PCDHGC5: variants seen among roughly 807,000 people sequenced by gnomAD.
PCDHGC5 encodes protocadherin gamma-C5.
A neutral mutation model predicts 59.0 loss-of-function variants in PCDHGC5; 25 were observed. The observed-to-expected ratio is 0.42, with a 90% confidence interval of 0.31 to 0.59. PCDHGC5 has a LOEUF of 0.59. Ranked by LOEUF, PCDHGC5 falls within the 20% of genes least tolerant of loss-of-function variation. PCDHGC5 has a pLI of 0.13. For missense variants in PCDHGC5, 1,067 were observed against 1,206.4 expected (o/e 0.88, Z 1.71); for synonymous variants, 434 against 505.5 (o/e 0.86, Z 1.90).
Position 141,490,320 on chromosome 5 carries a change from A to G in PCDHGC5, c.1080A>G (p.Leu360=). The G allele has an allele frequency of 6.2e-7, 1 of 1,614,228 alleles. No individual in the cohort carries two copies. The highest frequency in any genetic ancestry group is 1.1e-5 in the South Asian group (1 of 91,088). ...TGGCCTCTTTGGCCAACCCTGTCCT[A>G]GAGAGCACACCAGTGGGCACAGTAG... The part of the protein sequence containing the change: ...VLLASLANPV[L]ESTPVGTVVG... The change falls in exon 1 of 4, where the codon CTA becomes CTG. Residue 360 remains leucine, a synonymous_variant. Transcript: ENST00000252087. The surrounding 1 kb of genome is among the most constrained non-coding windows in gnomAD (Gnocchi z 5.4).
At position 141,489,298 on chromosome 5, in the gene PCDHGC5, T is replaced by C; in HGVS notation, c.58T>C (p.Ser20Pro). Residue 20 changes from serine to proline, a missense_variant, in exon 1 of 4, where the codon TCC becomes CCC. Transcript: ENST00000252087. This position sits in a 1 kb window ranked among gnomAD's most constrained non-coding sequence, Gnocchi z 4.5. ...AGKWQVLCML[S>P]LCCWGWVSGQ... ...GAAATGGCAAGTGCTGTGCATGTTG[T>C]CCTTGTGCTGCTGGGGCTGGGTGTC... The C allele has an allele frequency of 6.3e-7, 1 of 1,584,418 alleles. No individual in the cohort carries two copies. The highest frequency in any genetic ancestry group is 8.6e-7 in the Non-Finnish European group (1 of 1,165,192).
Position 141,489,600 on chromosome 5 carries a change from G to A in PCDHGC5, c.360G>A (p.Glu120=), listed in dbSNP as rs1407225048. 8.1e-6 allele frequency: 13 copies of A among 1,614,034 alleles called. No homozygotes were observed. Among genetic ancestry groups the A allele is most frequent in the Non-Finnish European group, 1.1e-5 (13 of 1,179,962 alleles). The part of the protein sequence containing the change: ...TEHPLELIRV[E]VEILDLNDNS... ...ACCCCCTGGAGCTAATCCGTGTAGA[G>A]GTAGAGATCCTGGATCTCAATGACA... The change falls in exon 1 of 4, where the codon GAG becomes GAA. Residue 120 remains glutamate, a synonymous_variant. Transcript: ENST00000252087. This position sits in a 1 kb window ranked among gnomAD's most constrained non-coding sequence, Gnocchi z 4.5.
rs779065098 is a variant in PCDHGC5 at position 141,491,758 on chromosome 5, C to T, written c.2460+58C>T. 1.8e-5 allele frequency: 29 copies of T among 1,578,670 alleles called. No homozygotes were observed. Among genetic ancestry groups the T allele is most frequent in the Non-Finnish European group, 2.2e-5 (26 of 1,163,530 alleles). ...TGGGGGCGGCACTGGAGAAGCCGCC[C>T]GTCCTCATAAGGGATTGAACTTGCA... On this transcript the variant is annotated intron_variant, in intron 1 of 3. Transcript: ENST00000252087. The surrounding 1 kb of genome is among the most constrained non-coding windows in gnomAD (Gnocchi z 6.9).
rs1053018756 is a variant in PCDHGC5, at chr5:141,497,630, G to T, written c.2519+2765G>T. ...TCTTGGCTCACTGCAACCTCTGCCT[G>T]CCAGGTTCAAGCGATTCTCCTGCCT... is the stretch of plus-strand genomic sequence containing the variant. On this transcript the variant is annotated intron_variant, in intron 2 of 3. Coordinates refer to ENST00000252087, the MANE Select transcript of PCDHGC5 (RefSeq NM_018929.3). 3.3e-5 allele frequency among the ~76,000 whole-genome samples: 5 copies of T among 150,256 alleles called. No homozygotes were observed. The Admixed American group carries it at 3.3e-4, about 10-fold the overall frequency.
rs2099750805 is a variant in PCDHGC5, at chr5:141,493,915, T to C, written c.2461-892T>C. ...TGCTCCATGAGAGTGTGTGATGGGA[T>C]AACACACCCCCTGGAAAGACCAGAA... On this transcript the variant is annotated intron_variant, in intron 1 of 3. Transcript: ENST00000252087. This position sits in a 1 kb window ranked among gnomAD's most constrained non-coding sequence, Gnocchi z 4.3. Among the ~76,000 whole-genome samples, 1 of 152,024 alleles carries C rather than the reference T, an allele frequency of 6.6e-6. No homozygotes were observed. Among genetic ancestry groups the C allele is most frequent in the African/African-American group, 2.4e-5 (1 of 41,386 alleles).
At chr5:141,492,382 T>C (rs71583650) in intron 1 of PCDHGC5, among the ~76,000 whole-genome samples, 2,103 of 152,322 alleles carry the variant, frequency 0.014, 36 homozygotes, top group African/African-American at 0.031. Flanking sequence ...ACAGGCCTGT[T>C]CCGGTCCACT....
rs77976889 is a variant in PCDHGC5, at chr5:141,493,704, G to C, written c.2461-1103G>C. On this transcript the variant is annotated intron_variant, in intron 1 of 3. Transcript: ENST00000252087. This position sits in a 1 kb window ranked among gnomAD's most constrained non-coding sequence, Gnocchi z 4.3. ...GTGCTGGTGACTCCCGATACACCTG[G>C]AATGCTAGGTTTCTGGGTTCTGCTC... Among the ~76,000 whole-genome samples the C allele has an allele frequency of 1.7e-3, 258 of 152,278 alleles. 2 individuals are homozygous for C. The highest frequency in any genetic ancestry group is 5.7e-3 in the African/African-American group (237 of 41,540).
At position 141,491,952 on chromosome 5, in the gene PCDHGC5, C is replaced by A; in HGVS notation, c.2460+252C>A. 9.4e-7 allele frequency: 1 copy of A among 1,062,954 alleles called. No homozygotes were observed. The allele number at this position is 1,062,954 out of a possible 1,614,324, so 65.8% of individuals were successfully genotyped here. On this transcript the variant is annotated intron_variant, in intron 1 of 3. Coordinates refer to ENST00000252087, the MANE Select transcript of PCDHGC5 (RefSeq NM_018929.3). The surrounding 1 kb of genome is among the most constrained non-coding windows in gnomAD (Gnocchi z 6.9). ...GGTGGGACCGACCCCCACCCCTACA[C>A]TCAAAAAAGGCCGGGGCCTCCTTCG...
intron 1 of PCDHGC5, among the ~76,000 whole-genome samples, 197 bp from the exon 2 acceptor site, chr5:141,494,610 T>C (rs1428159953): frequency 6.6e-6 from 1 of 152,152 alleles, no homozygotes; most frequent in Non-Finnish European, 1.5e-5. Flanking sequence ...GATTTATCTC[T>C]TGGTTTCTGG....
Position 141,491,531 on chromosome 5 carries a change from T to G in PCDHGC5, c.2291T>G (p.Leu764Arg), listed in dbSNP as rs532897059. Residue 764 changes from leucine (L) to arginine (R), a missense_variant, in exon 1 of 4, where the codon CTG becomes CGG. By Grantham distance (102) the Leu-to-Arg change is moderately radical (BLOSUM62 -2). Coordinates refer to ENST00000252087, the MANE Select transcript of PCDHGC5 (RefSeq NM_018929.3). This position sits in a 1 kb window ranked among gnomAD's most constrained non-coding sequence, Gnocchi z 6.9. ...DGTLKYMEVT[L>R]RPTDSQSHCY... ...ACGCTCAAGTACATGGAGGTGACGC[T>G]GCGGCCCACAGACTCGCAGAGCCAC... The G allele has an allele frequency of 6.2e-7, 1 of 1,614,044 alleles. No homozygotes were observed. The highest frequency in any genetic ancestry group is 1.7e-5 in the Admixed American group (1 of 60,028).
In PCDHGC5 at chr5:141,489,835, C is replaced by G; in HGVS notation, c.595C>G (p.Gln199Glu). Residue 199 changes from glutamine to glutamate, a missense_variant, in exon 1 of 4, where the codon CAG (glutamine) becomes GAG (glutamate). Transcript: ENST00000252087. This position sits in a 1 kb window ranked among gnomAD's most constrained non-coding sequence, Gnocchi z 4.5. ...KPFPELVLEQ[Q>E]LDREAQARHQ... Reference sequence around the variant, plus strand: ...ATTCCCAGAGCTGGTGCTAGAGCAGCAGCTGGATCGTGAAGCCCAGGCAAG... The same window carrying G: ...ATTCCCAGAGCTGGTGCTAGAGCAGGAGCTGGATCGTGAAGCCCAGGCAAG... The G allele has an allele frequency of 6.2e-7, 1 of 1,614,164 alleles. No homozygotes were observed. Among genetic ancestry groups the G allele is most frequent in the Non-Finnish European group, 8.5e-7 (1 of 1,179,972 alleles).
chr5:141,500,124 A>G (rs1042231430), intron 2 of PCDHGC5, among the ~76,000 whole-genome samples: 2 of 151,656 alleles, frequency 1.3e-5, no homozygotes, highest in African/African-American at 2.4e-5. Flanking sequence ...GCCTTTTCAT[A>G]TATATCTTTC....
At chr5:141,497,733 T>G (rs2099779006) in intron 2 of PCDHGC5, among the ~76,000 whole-genome samples, 2 of 152,078 alleles carry the variant, frequency 1.3e-5, no homozygotes, top group Non-Finnish European at 2.9e-5. Context: ...AGAGATGGGT[T>G]TCGCCACGTT....
In PCDHGC5 at chr5:141,490,963, G is replaced by GC; in HGVS notation, c.1729dup (p.Gln577ProfsTer22). 6.2e-7 allele frequency: 1 copy of GC among 1,613,760 alleles called. No individual in the cohort carries two copies. On this transcript the variant is annotated frameshift_variant, in exon 1 of 4. Transcript: ENST00000252087. LOFTEE classifies it high-confidence loss of function. This position sits in a 1 kb window ranked among gnomAD's most constrained non-coding sequence, Gnocchi z 5.4. ...CCCACGGCCAGACTGGGAACACTCA[G>GC]CCCCCCAGCGTCTCCCTCGCTCTGC...
In PCDHGC5 at chr5:141,489,950, A is replaced by G; in HGVS notation, c.710A>G (p.Asp237Gly). 2 of 1,614,192 alleles carry G rather than the reference A, an allele frequency of 1.2e-6. No individual in the cohort carries two copies. The highest frequency in any genetic ancestry group is 1.1e-5 in the South Asian group (1 of 91,088). ...LISVIVLDIN[D>G]NAPTFQSSVL... ...TCTGTCATCGTGCTGGACATCAATG[A>G]TAATGCTCCAACCTTCCAATCCTCA... The change falls in exon 1 of 4, where the codon GAT becomes GGT. Residue 237 changes from aspartate (D) to glycine (G), a missense_variant. Transcript: ENST00000252087. The surrounding 1 kb of genome is among the most constrained non-coding windows in gnomAD (Gnocchi z 4.5).
At chr5:141,500,450 C>A (rs2099800340) in intron 2 of PCDHGC5, among the ~76,000 whole-genome samples, 1 of 152,072 alleles carries the variant, frequency 6.6e-6, no homozygotes, top group Non-Finnish European at 1.5e-5. Flanking sequence ...ACCTCGTGAT[C>A]CGCCCGCCTC....
intron 2 of PCDHGC5, among the ~76,000 whole-genome samples, chr5:141,499,869 G>A (rs1247615457): frequency 3.3e-5 from 5 of 151,938 alleles, no homozygotes; most frequent in Non-Finnish European, 5.9e-5. Context: ...TGTATTTTCA[G>A]TACAAACAGG....
Position 141,497,143 on chromosome 5 carries a change from G to GA in PCDHGC5, c.2519+2287dup, listed in dbSNP as rs928640875. ...AGAGGTTGCAGTGAGCTGAGATCAC[G>GA]AAAAAAAAATAATCTAGCCACAAAT... On this transcript the variant is annotated intron_variant, in intron 2 of 3. Coordinates refer to ENST00000252087, the MANE Select transcript of PCDHGC5 (RefSeq NM_018929.3). 1.3e-3 allele frequency among the ~76,000 whole-genome samples: 194 copies of GA among 150,104 alleles called. 4 individuals are homozygous for GA. The highest frequency in any genetic ancestry group is 7.6e-3 in the Admixed American group (115 of 15,100).
chr5:141,511,823 G>A lies in PCDHGC5; in HGVS notation c.*650G>A, dbSNP rs1490513046. On this transcript the variant is annotated 3_prime_UTR_variant, in exon 4 of 4. Transcript: ENST00000252087. ...TTTTGCTACCAAGCCTCTTCCCAACGCCCTGGGGACCAGTCTTCTGTTTTG... is the reference window on the plus strand; with the variant it reads ...TTTTGCTACCAAGCCTCTTCCCAACACCCTGGGGACCAGTCTTCTGTTTTG... 4 of 156,728 alleles carry A rather than the reference G, an allele frequency of 2.6e-5. No homozygotes were observed. The highest frequency in any genetic ancestry group is 3.2e-3 in the Middle Eastern group (1 of 316). 9.7% of individuals were successfully genotyped at this position (156,728 alleles called of 1,614,324 possible). A position where few individuals can be genotyped will look rare whatever the true frequency, so the allele number is the denominator to read the frequency against.
Sources: allele counts gnomAD v4.1 joint callset (sites outside exome capture counted in the v4.1 genomes callset), GRCh38; gene constraint gnomAD v4.1.1; non-coding constraint Gnocchi (gnomAD v3.1); transcripts MANE v1.5; gene names NCBI Gene and HGNC (gene_info 2026-07-23, HGNC 2026-07-21).